Variants in TIGIT observed in about 807,000 individuals in gnomAD.
TIGIT encodes the protein T cell immunoreceptor with Ig and ITIM domains, also known as T-cell immunoreceptor with Ig and ITIM domains.
A neutral mutation model predicts 19.6 loss-of-function variants in TIGIT; 11 were observed. The observed-to-expected ratio is 0.56, with a 90% confidence interval of 0.35 to 0.93. The LOEUF (loss-of-function observed/expected upper bound fraction) is 0.93, where lower values mean the gene tolerates loss of function less well. Among genes scored for constraint, TIGIT ranks in the 40% least tolerant of loss-of-function variants. TIGIT has a pLI of 0.01. For synonymous variants in TIGIT, 130 were observed against 125.5 expected (o/e 1.04, Z -0.24); for missense variants, 295 against 303.9 (o/e 0.97, Z 0.22).
chr3:114,305,754 G>C (rs112001591), intron 3 of TIGIT, among the ~76,000 whole-genome samples: 3 of 151,982 alleles, frequency 2.0e-5, no homozygotes, highest in Non-Finnish European at 4.4e-5. Flanking sequence ...ATGGGTCTCC[G>C]GAGGGACAGA....
At chr3:114,296,247 A>C (rs1446484369) in intron 2 of TIGIT, among the ~76,000 whole-genome samples, 1 of 152,238 alleles carries the variant, frequency 6.6e-6, no homozygotes, top group East Asian at 1.9e-4. Context: ...TTAACCCCTA[A>C]GTGTATAAAG....
chr3:114,306,669 A>G (rs1444340164), intron 3 of TIGIT, among the ~76,000 whole-genome samples: 3 of 152,186 alleles, frequency 2.0e-5, no homozygotes, highest in Non-Finnish European at 4.4e-5. Flanking sequence ...TTTTCCTAGC[A>G]TGTAAGCTGG....
chr3:114,300,643 G>T (rs1399621533), intron 3 of TIGIT, among the ~76,000 whole-genome samples: 1 of 152,168 alleles, frequency 6.6e-6, no homozygotes, highest in Non-Finnish European at 1.5e-5. Flanking sequence ...ATAAAGAAAA[G>T]AAGTTTATTT....
chr3:114,297,239 T>C (rs189959714), intron 2 of TIGIT, among the ~76,000 whole-genome samples: 51 of 152,248 alleles, frequency 3.3e-4, no homozygotes, highest in African/African-American at 1.1e-3. Flanking sequence ...CTGTCTGGGG[T>C]TGACTATTGC....
chr3:114,302,404 C>A (rs975940019), intron 3 of TIGIT, among the ~76,000 whole-genome samples: 1 of 152,196 alleles, frequency 6.6e-6, no homozygotes, highest in East Asian at 1.9e-4. Flanking sequence ...ACAGGGTTGG[C>A]TGGCTTCAGC....
chr3:114,299,494 C>A, intron 2 of TIGIT, 103 bp from the exon 3 acceptor site: 1 of 817,810 alleles, frequency 1.2e-6, no homozygotes, highest in Non-Finnish European at 2.1e-6. Flanking sequence ...ACACAAAGGG[C>A]TTGGCCAATC....
intron 3 of TIGIT, among the ~76,000 whole-genome samples, chr3:114,300,549 G>A (rs898683682): frequency 1.3e-5 from 2 of 152,222 alleles, no homozygotes; most frequent in Non-Finnish European, 2.9e-5. Flanking sequence ...ATCTTTCAAG[G>A]TCTTCATTTC....
chr3:114,296,052 T>G, intron 2 of TIGIT, 178 bp downstream of exon 2: 1 of 580,712 alleles, frequency 1.7e-6, no homozygotes, highest in South Asian at 2.3e-5. Context: ...GAATCCCTAA[T>G]AGCAGAGCTA....
chr3:114,297,278 A>G (rs1159000640), intron 2 of TIGIT, among the ~76,000 whole-genome samples: 4 of 152,140 alleles, frequency 2.6e-5, no homozygotes, highest in Non-Finnish European at 5.9e-5. Context: ...TGGGTAAATT[A>G]TGTACTTTTT....
intron 3 of TIGIT, among the ~76,000 whole-genome samples, chr3:114,307,206 T>G (rs1361191963): frequency 1.3e-5 from 2 of 152,148 alleles, no homozygotes; most frequent in Non-Finnish European, 2.9e-5. Flanking sequence ...TGGTGTCGTT[T>G]GAGACAATTT....
chr3:114,302,243 G>A (rs1290393998), intron 3 of TIGIT, among the ~76,000 whole-genome samples: 1 of 152,134 alleles, frequency 6.6e-6, no homozygotes, highest in Non-Finnish European at 1.5e-5. Flanking sequence ...GAGGATAAGG[G>A]GACTCATTGA....
At chr3:114,307,831 A>G in intron 3 of TIGIT, 64 bp from the exon 4 acceptor site, 1 of 1,412,906 alleles carries the variant, frequency 7.1e-7, no homozygotes, top group South Asian at 1.2e-5. Context: ...GAGAGATGTC[A>G]TATTGGGGAT....
rs148991723 is a variant in TIGIT at position 114,308,468 on chromosome 3, G to A, written c.*337G>A. The A allele has an allele frequency of 1.9e-3, 402 of 207,326 alleles. 1 individual carries two copies. The highest frequency in any genetic ancestry group is 3.1e-3 in the Non-Finnish European group (317 of 102,340). 12.8% of individuals were successfully genotyped at this position (207,326 alleles called of 1,614,324 possible). ...TTCCTCATAATGGCCAGCATTTTGGGCTACAAGGTTTTGTGGTTGATGATG... is the reference window on the plus strand; with the variant it reads ...TTCCTCATAATGGCCAGCATTTTGGACTACAAGGTTTTGTGGTTGATGATG... On this transcript the variant is annotated 3_prime_UTR_variant, in exon 4 of 4. Coordinates refer to ENST00000383671, the MANE Select transcript of TIGIT (RefSeq NM_173799.4).
At chr3:114,297,656 C>T (rs1239584561) in intron 2 of TIGIT, among the ~76,000 whole-genome samples, 3 of 152,174 alleles carry the variant, frequency 2.0e-5, no homozygotes, top group East Asian at 3.9e-4. Context: ...TGCTAATCTC[C>T]AGGCCAGGCC....
chr3:114,298,485 A>T (rs998073315), intron 2 of TIGIT, among the ~76,000 whole-genome samples: 26 of 152,082 alleles, frequency 1.7e-4, no homozygotes, highest in African/African-American at 6.3e-4. Flanking sequence ...CTGTCCCCAA[A>T]CTGATCATAT....
At chr3:114,305,553 C>T (rs1229923123) in intron 3 of TIGIT, among the ~76,000 whole-genome samples, 1 of 152,142 alleles carries the variant, frequency 6.6e-6, no homozygotes, top group Non-Finnish European at 1.5e-5. Flanking sequence ...TCGGTTGAAC[C>T]TTTAGGCAGG....
At chr3:114,296,030 C>T in intron 2 of TIGIT, 156 bp downstream of exon 2, 1 of 623,560 alleles carries the variant, frequency 1.6e-6, no homozygotes, top group Non-Finnish European at 2.7e-6. Context: ...CTCACCCAGA[C>T]CAATTCAATC....
chr3:114,303,894 T>C (rs2078513585), intron 3 of TIGIT, among the ~76,000 whole-genome samples: 1 of 152,130 alleles, frequency 6.6e-6, no homozygotes, highest in African/African-American at 2.4e-5. Context: ...GTAAAAGTGT[T>C]CCCCTTTCAC....
At chr3:114,303,536 TATAC>T (rs1560033495) in intron 3 of TIGIT, among the ~76,000 whole-genome samples, 10 of 7,510 alleles carry the variant, frequency 1.3e-3, no homozygotes, top group Non-Finnish European at 3.9e-3. Flanking sequence ...TATGTATATA[TATAC>T]ACATATATAT....
Sources: gnomAD v4.1 joint callset for allele counts (sites outside exome capture counted in the v4.1 genomes callset) on GRCh38, gnomAD v4.1.1 for gene constraint, MANE v1.5 for transcripts, NCBI Gene and HGNC (gene_info 2026-07-23, HGNC 2026-07-21) for gene names.